CPNE8: variants seen among roughly 807,000 people sequenced by gnomAD.
CPNE8 encodes copine-8.
Under a neutral mutation model 81.5 loss-of-function variants are expected in CPNE8, and 45 were observed. The ratio of observed to expected loss-of-function variants is 0.55; its 90% confidence interval spans 0.44 to 0.71. The LOEUF (loss-of-function observed/expected upper bound fraction) is 0.71. Among genes scored for constraint, CPNE8 ranks in the 30% least tolerant of loss-of-function variants. CPNE8 has a pLI of 0.00. For synonymous variants in CPNE8, 252 were observed against 226.3 expected (o/e 1.11, Z -1.02); for missense variants, 594 against 672.1 (o/e 0.88, Z 1.28).
chr12:38,675,632 G>C (rs1939270560), intron 18 of CPNE8, 85 bp downstream of exon 18: 1 of 865,976 alleles, frequency 1.2e-6, no homozygotes, highest in African/African-American at 1.7e-5. Context: ...TCCTTCTAAA[G>C]AGACAAGAAT....
At chr12:38,866,827 G>T (rs1047764091) in intron 3 of CPNE8, among the ~76,000 whole-genome samples, 2 of 152,042 alleles carry the variant, frequency 1.3e-5, no homozygotes, top group African/African-American at 4.8e-5. Context: ...CTAAATTCGG[G>T]TGTCCCTAAA....
intron 19 of CPNE8, among the ~76,000 whole-genome samples, chr12:38,668,986 G>A (rs999796243): frequency 4.0e-5 from 6 of 150,976 alleles, no homozygotes; most frequent in East Asian, 2.0e-4. Context: ...CCCAGGAGAC[G>A]GAGCTTGCAG....
chr12:38,716,725 T>G (rs1418181931), intron 13 of CPNE8, among the ~76,000 whole-genome samples: 1 of 152,012 alleles, frequency 6.6e-6, no homozygotes, highest in Admixed American at 6.6e-5. Flanking sequence ...GGACATTGGC[T>G]TAGGCAAAGA....
intron 10 of CPNE8, among the ~76,000 whole-genome samples, chr12:38,742,079 C>A (rs551690802): frequency 1.9e-4 from 29 of 152,258 alleles, no homozygotes; most frequent in African/African-American, 6.5e-4. Flanking sequence ...GTTGGTGGGA[C>A]TGTAAACTAG....
intron 3 of CPNE8, among the ~76,000 whole-genome samples, chr12:38,868,902 T>C (rs1461822906): frequency 1.3e-5 from 2 of 152,282 alleles, no homozygotes; most frequent in East Asian, 3.9e-4. Context: ...GCAGCCCTCT[T>C]CAAATACAGC....
intron 6 of CPNE8, among the ~76,000 whole-genome samples, chr12:38,818,561 T>G (rs888445600): frequency 6.6e-6 from 1 of 152,218 alleles, no homozygotes; most frequent in Non-Finnish European, 1.5e-5. Flanking sequence ...GTTCCAGGTC[T>G]TGGCTATTGT....
chr12:38,654,219 T>A (rs1428027486), intron 19 of CPNE8, 149 bp from the exon 20 acceptor site: 8 of 1,175,656 alleles, frequency 6.8e-6, no homozygotes, highest in East Asian at 3.0e-5. Context: ...TATACATTTT[T>A]AAAAATATTC....
At chr12:38,845,217 C>A (rs1450812121) in intron 4 of CPNE8, among the ~76,000 whole-genome samples, 1 of 152,146 alleles carries the variant, frequency 6.6e-6, no homozygotes, top group African/African-American at 2.4e-5. Context: ...ACACAACCAG[C>A]ATCAATAAAG....
intron 5 of CPNE8, among the ~76,000 whole-genome samples, chr12:38,831,409 G>C (rs1176159317): frequency 2.6e-5 from 4 of 152,120 alleles, no homozygotes; most frequent in African/African-American, 4.8e-5. Context: ...AAAAAAACTA[G>C]AAGCCAGATC....
intron 7 of CPNE8, among the ~76,000 whole-genome samples, chr12:38,770,611 G>A (rs145996431): frequency 1.3e-5 from 2 of 152,218 alleles, no homozygotes; most frequent in East Asian, 1.9e-4. Flanking sequence ...AACATGGTCC[G>A]CAAAGGCCAA....
intron 18 of CPNE8, among the ~76,000 whole-genome samples, chr12:38,672,591 T>G (rs1939200373): frequency 6.6e-6 from 1 of 152,210 alleles, no homozygotes; most frequent in Admixed American, 6.5e-5. Context: ...TTAGAAACCC[T>G]TTTATTTATC....
intron 15 of CPNE8, among the ~76,000 whole-genome samples, chr12:38,687,073 A>G (rs973082075): frequency 6.6e-6 from 1 of 152,242 alleles, no homozygotes; most frequent in Non-Finnish European, 1.5e-5. Context: ...GAATAATTTT[A>G]GCATACATGT....
intron 3 of CPNE8, among the ~76,000 whole-genome samples, chr12:38,863,780 C>A (rs1485580309): frequency 6.6e-6 from 1 of 152,032 alleles, no homozygotes; most frequent in Non-Finnish European, 1.5e-5. Flanking sequence ...CGGCCGGGTG[C>A]GGTGGCTCAC....
intron 6 of CPNE8, among the ~76,000 whole-genome samples, chr12:38,781,796 G>A (rs1942058373): frequency 6.6e-6 from 1 of 152,028 alleles, no homozygotes; most frequent in Non-Finnish European, 1.5e-5. Flanking sequence ...CTTCACTCCT[G>A]TGGCCTTCTA....
At position 38,905,523 on chromosome 12, in the gene CPNE8, G is replaced by C; in HGVS notation, c.12C>G (p.Arg4=). The C allele has an allele frequency of 6.4e-7, 1 of 1,566,152 alleles. No homozygotes were observed. The highest frequency in any genetic ancestry group is 2.3e-5 in the East Asian group (1 of 42,782). Residue 4 remains arginine (R), a synonymous_variant, in exon 1 of 20, where the codon CGC becomes CGG. Transcript: ENST00000331366. The part of the protein sequence containing the change: MDS[R]YNSTAGIGDL... ...CCCCGATGCCCGCAGTGCTGTTGTAGCGGCTGTCCATATTGGGAGGAGGCG... is the reference window on the plus strand; with the variant it reads ...CCCCGATGCCCGCAGTGCTGTTGTACCGGCTGTCCATATTGGGAGGAGGCG...
intron 7 of CPNE8, among the ~76,000 whole-genome samples, chr12:38,769,213 T>C (rs185298086): frequency 9.0e-4 from 137 of 152,288 alleles, no homozygotes; most frequent in African/African-American, 3.2e-3. Flanking sequence ...AGTATTGGTA[T>C]AGTATTATTT....
chr12:38,709,433 G>C (rs1424778215), intron 13 of CPNE8, among the ~76,000 whole-genome samples: 1 of 152,186 alleles, frequency 6.6e-6, no homozygotes, highest in Non-Finnish European at 1.5e-5. Flanking sequence ...AATGAGGGCA[G>C]GTTGTGAGAT....
chr12:38,906,292 G>C, upstream of CPNE8: 2 of 985,520 alleles, frequency 2.0e-6, no homozygotes, highest in Non-Finnish European at 2.4e-6. Flanking sequence ...CTTGGAACAC[G>C]GTGGCAAAGT....
At chr12:38,734,951 T>C (rs1387087570) in intron 10 of CPNE8, among the ~76,000 whole-genome samples, 11 of 152,130 alleles carry the variant, frequency 7.2e-5, no homozygotes, top group Non-Finnish European at 1.5e-5. Flanking sequence ...TCACAAGGCA[T>C]GTCTCCCCTT....
Sources: gnomAD v4.1 joint callset for allele counts (sites outside exome capture counted in the v4.1 genomes callset) on GRCh38, gnomAD v4.1.1 for gene constraint, MANE v1.5 for transcripts, NCBI Gene and HGNC (gene_info 2026-07-23, HGNC 2026-07-21) for gene names.